Variants in RANBP3 observed in about 807,000 individuals in gnomAD.
RANBP3 encodes the protein RAN binding protein 3, also known as ran-binding protein 3.
RANBP3 carries 14 observed loss-of-function variants against 77.3 expected under a neutral mutation model. That is an observed-to-expected ratio of 0.18 (90% confidence interval 0.12 to 0.28). RANBP3 has a LOEUF of 0.28. Among genes scored for constraint, RANBP3 ranks in the 10% least tolerant of loss-of-function variants. RANBP3 has a pLI of 1.00. For synonymous variants in RANBP3, 315 were observed against 312.4 expected, an observed-to-expected ratio of 1.01 and a Z score of -0.09; for missense variants, 586 against 752.3, an observed-to-expected ratio of 0.78 and a Z score of 2.59.
chr19:5,946,874 G>A (rs926785796), intron 3 of RANBP3, among the ~76,000 whole-genome samples: 12 of 152,196 alleles, frequency 7.9e-5, no homozygotes, highest in Admixed American at 2.6e-4. Flanking sequence ...CCAGGAGTCT[G>A]GACCTGTTTG....
rs375601129 is a variant in RANBP3 at position 5,928,050 on chromosome 19, G to A, written c.731C>T (p.Ser244Phe). 61 of 1,613,664 alleles carry A rather than the reference G, an allele frequency of 3.8e-5. 1 individual carries two copies. The highest frequency in any genetic ancestry group is 5.0e-5 in the Admixed American group (3 of 59,908). ...TTTTTTCTCACAGGCTTCCTCTTCA[G>A]AGGCATTGCTGGACTCATTTTTCTG... is the stretch of plus-strand genomic sequence containing the variant. ...EPQKNESSNA[S>F]EEEACEKKDP... Residue 244 changes from serine to phenylalanine, a missense_variant, in exon 9 of 17, where the codon TCT (serine) becomes TTT (phenylalanine). By Grantham distance (155) the Ser-to-Phe change is radical (BLOSUM62 -2). Coordinates refer to ENST00000340578, the MANE Select transcript of RANBP3 (RefSeq NM_007322.3).
intron 14 of RANBP3, among the ~76,000 whole-genome samples, chr19:5,919,427 C>T (rs530762863): frequency 5.3e-5 from 8 of 152,264 alleles, no homozygotes; most frequent in South Asian, 2.1e-4. Flanking sequence ...CCTCAGAGGC[C>T]GAGTGGGAGA....
chr19:5,970,099 A>T (rs1322487312), intron 1 of RANBP3, among the ~76,000 whole-genome samples: 1 of 152,164 alleles, frequency 6.6e-6, no homozygotes, highest in African/African-American at 2.4e-5. Context: ...TGTTACAGAC[A>T]TCTAGTGGAT....
rs779212780 is a variant in RANBP3 at position 5,958,010 on chromosome 19, C to CTA, written c.23-39_23-38dup. The CTA allele has an allele frequency of 1.3e-6, 2 of 1,578,284 alleles. No homozygotes were observed. Among genetic ancestry groups the CTA allele is most frequent in the Non-Finnish European group, 1.7e-6 (2 of 1,147,610 alleles). On this transcript the variant is annotated intron_variant, in intron 1 of 16. Transcript: ENST00000340578. The surrounding 1 kb of genome is among the most constrained non-coding windows in gnomAD (Gnocchi z 4.4). ...AAAATTAGTTTTTTTCCCCCCAACA[C>CTA]TATATGCATACAGTAAACAAAGCTA...
intron 13 of RANBP3, 87 bp downstream of exon 13, chr19:5,923,107 G>GCT: frequency 9.4e-7 from 1 of 1,069,404 alleles, no homozygotes; most frequent in Non-Finnish European, 1.4e-6. Context: ...AGGCCTGTGT[G>GCT]CTCAGAGGAT....
rs2058475855 is a variant in RANBP3 at position 5,967,054 on chromosome 19, G to C, written c.23-9081C>G. Among the ~76,000 whole-genome samples, 3 of 152,328 alleles carry C rather than the reference G, an allele frequency of 2.0e-5. 1 individual carries two copies. In the South Asian group the frequency reaches 6.2e-4, roughly 32 times the overall value. On this transcript the variant is annotated intron_variant, in intron 1 of 16. Transcript: ENST00000340578. ...TGTGCCACAGCACAAAGGTAAATCT[G>C]TCACTGACGTGTCAGGTCTGTCCTC... is the stretch of plus-strand genomic sequence containing the variant.
intron 1 of RANBP3, among the ~76,000 whole-genome samples, chr19:5,967,719 C>G (rs1346017737): frequency 2.6e-5 from 4 of 152,170 alleles, no homozygotes; most frequent in African/African-American, 9.7e-5. Flanking sequence ...GTCAGCAACT[C>G]TGCCTACAAC....
chr19:5,933,188 G>A (rs939756017), intron 6 of RANBP3: 6 of 491,992 alleles, frequency 1.2e-5, no homozygotes, highest in African/African-American at 4.0e-5. Flanking sequence ...GCCTGCTCCC[G>A]TGCCACCACT....
chr19:5,957,052 G>A, intron 2 of RANBP3, among the ~76,000 whole-genome samples: 1 of 151,022 alleles, frequency 6.6e-6, no homozygotes, highest in South Asian at 2.1e-4. Context: ...CAGTGGGACT[G>A]TTGCAGCGGG....
At chr19:5,950,125 T>C (rs1290913812) in intron 3 of RANBP3, among the ~76,000 whole-genome samples, 1 of 152,124 alleles carries the variant, frequency 6.6e-6, no homozygotes, top group Admixed American at 6.5e-5. Context: ...TCAGGAGAAG[T>C]TTCCGGCAGC....
At chr19:5,942,890 G>C (rs184805352) in intron 3 of RANBP3, among the ~76,000 whole-genome samples, 1 of 151,944 alleles carries the variant, frequency 6.6e-6, no homozygotes, top group African/African-American at 2.4e-5. Context: ...CAGCTGGGCA[G>C]GGGGGTGAAT....
intron 13 of RANBP3, among the ~76,000 whole-genome samples, chr19:5,922,727 G>A (rs1159242687): frequency 6.6e-6 from 1 of 152,190 alleles, no homozygotes; most frequent in East Asian, 1.9e-4. Context: ...ATCACATGAG[G>A]TCAGGAGTTT....
chr19:5,936,170 T>C (rs1306291825), intron 5 of RANBP3, among the ~76,000 whole-genome samples: 1 of 152,206 alleles, frequency 6.6e-6, no homozygotes, highest in Non-Finnish European at 1.5e-5. Context: ...GCAGCCTGGC[T>C]GGAGCTGGGG....
At chr19:5,954,598 A>T (rs530746730) in intron 2 of RANBP3, among the ~76,000 whole-genome samples, 6 of 152,064 alleles carry the variant, frequency 3.9e-5, no homozygotes, top group African/African-American at 1.4e-4. Context: ...GGATTTGAAA[A>T]TTTTCAGAAT....
intron 14 of RANBP3, among the ~76,000 whole-genome samples, chr19:5,918,887 T>G (rs2057780892): frequency 1.3e-5 from 2 of 152,274 alleles, no homozygotes; most frequent in East Asian, 3.9e-4. Flanking sequence ...CTGCACAGGC[T>G]GGTGCTGCAG....
rs1378304976 is a variant in RANBP3, at chr19:5,924,021, C to CTCCT, written c.997-111_997-108dup. On this transcript the variant is annotated intron_variant, in intron 11 of 16. Transcript: ENST00000340578. This position sits in a 1 kb window ranked among gnomAD's most constrained non-coding sequence, Gnocchi z 4.7. ...CCCCAACACTACGCTGCCCCCAGCA[C>CTCCT]TCCTGCCCACTCCCGGTGACACCCT... 1 of 801,130 alleles carries CTCCT rather than the reference C, an allele frequency of 1.2e-6. No homozygotes were observed. The highest frequency in any genetic ancestry group is 2.0e-6 in the Non-Finnish European group (1 of 491,476). 49.6% of individuals were successfully genotyped at this position (801,130 alleles called of 1,614,324 possible). A position where few individuals can be genotyped will look rare whatever the true frequency, so the allele number is the denominator to read the frequency against.
intron 13 of RANBP3, 55 bp downstream of exon 13, chr19:5,923,139 G>T: frequency 6.9e-7 from 1 of 1,441,500 alleles, no homozygotes; most frequent in Non-Finnish European, 9.7e-7. Flanking sequence ...CCTTGCGGTT[G>T]GACCCCCAGG....
At chr19:5,976,678 A>T (rs1568487244) in intron 1 of RANBP3, 2 of 152,266 alleles carry the variant, frequency 1.3e-5, no homozygotes, top group Non-Finnish European at 2.9e-5. Context: ...CGGGAGGCGG[A>T]GATTGCAGTG....
chr19:5,956,793 T>C (rs961044296), intron 2 of RANBP3, among the ~76,000 whole-genome samples: 2 of 152,220 alleles, frequency 1.3e-5, no homozygotes, highest in African/African-American at 2.4e-5. Context: ...TCCCAGATCA[T>C]GAGAGCGGCT....
Sources: allele counts gnomAD v4.1 joint callset (sites outside exome capture counted in the v4.1 genomes callset), GRCh38; gene constraint gnomAD v4.1.1; non-coding constraint Gnocchi (gnomAD v3.1); transcripts MANE v1.5; gene names NCBI Gene and HGNC (gene_info 2026-07-23, HGNC 2026-07-21).